Variants in PACC1 observed in about 807,000 individuals in gnomAD.
PACC1 encodes the protein proton-activated chloride channel.
In PACC1, 34 loss-of-function variants were observed where a neutral mutation model predicts 39.7. That is an observed-to-expected ratio of 0.86 (90% CI 0.65 to 1.14). The LOEUF (loss-of-function observed/expected upper bound fraction) is 1.14. Ranked by LOEUF, PACC1 falls within the 50% of genes most tolerant of loss-of-function variation. PACC1 has a pLI of 0.00. For missense variants in PACC1, 379 were observed against 436.4 expected, an observed-to-expected ratio of 0.87 and a Z score of 1.17; for synonymous variants, 127 against 160.6, an observed-to-expected ratio of 0.79 and a Z score of 1.58.
chr1:212,410,213 G>C (rs1662072403), intron 2 of PACC1: 1 of 567,004 alleles, frequency 1.8e-6, no homozygotes, highest in Non-Finnish European at 3.2e-6. Flanking sequence ...CTCAGGAAGT[G>C]GCTCAAATTG....
chr1:212,403,014 A>G (rs1661772358), intron 2 of PACC1, among the ~76,000 whole-genome samples: 1 of 152,158 alleles, frequency 6.6e-6, no homozygotes, highest in Non-Finnish European at 1.5e-5. Context: ...CCCATTATAT[A>G]CAGTTGTTTC....
chr1:212,407,576 A>G (rs761742548), intron 2 of PACC1, among the ~76,000 whole-genome samples: 1 of 152,244 alleles, frequency 6.6e-6, no homozygotes, highest in Non-Finnish European at 1.5e-5. Flanking sequence ...AGGGAGGATT[A>G]GCCGTGCTAC....
intron 4 of PACC1, among the ~76,000 whole-genome samples, chr1:212,381,637 C>T (rs1774245): frequency 6.6e-6 from 1 of 151,732 alleles, no homozygotes; most frequent in Non-Finnish European, 1.5e-5. Context: ...GAAAAGGGAA[C>T]TGCTTGCCCT....
Position 212,387,118 on chromosome 1 carries a change from C to T in PACC1, c.134-18G>A, listed in dbSNP as rs375562491. 2.5e-6 allele frequency: 4 copies of T among 1,612,404 alleles called. No individual in the cohort carries two copies. The highest frequency in any genetic ancestry group is 1.3e-5 in the African/African-American group (1 of 75,010). On this transcript the variant is annotated intron_variant, in intron 2 of 7. Coordinates refer to ENST00000261455, the MANE Select transcript of PACC1 (RefSeq NM_018252.3). ...GTCCAGGCCTGACAACAACAAAACA[C>T]CATGTGACCCAGGGCACAGGGACAA...
At chr1:212,388,279 A>G (rs1230750446) in intron 2 of PACC1, among the ~76,000 whole-genome samples, 1 of 152,108 alleles carries the variant, frequency 6.6e-6, no homozygotes, top group African/African-American at 2.4e-5. Context: ...CTGAATCCTT[A>G]GCCCTTCATG....
chr1:212,368,264 T>C (rs1045413736), intron 7 of PACC1, among the ~76,000 whole-genome samples: 5 of 152,118 alleles, frequency 3.3e-5, no homozygotes, highest in African/African-American at 7.2e-5. Flanking sequence ...CTCCTGAAGA[T>C]AGATGGGTAT....
intron 2 of PACC1, among the ~76,000 whole-genome samples, chr1:212,407,951 A>G (rs916664245): frequency 6.6e-6 from 1 of 151,908 alleles, no homozygotes; most frequent in Admixed American, 6.6e-5. Flanking sequence ...GCACACGCCT[A>G]TAGTCCCAGC....
At chr1:212,366,516 G>A (rs1186261462) in intron 7 of PACC1, among the ~76,000 whole-genome samples, 1 of 151,806 alleles carries the variant, frequency 6.6e-6, no homozygotes, top group Non-Finnish European at 1.5e-5. Context: ...TGGCCAGGAT[G>A]GTCTCGATCT....
At position 212,387,026 on chromosome 1, in the gene PACC1, G is replaced by A. The variant is rs1393482660; in HGVS notation, c.208C>T (p.Leu70Phe). The A allele has an allele frequency of 6.2e-7, 1 of 1,614,232 alleles. No homozygotes were observed. Among genetic ancestry groups the A allele is most frequent in the Non-Finnish European group, 8.5e-7 (1 of 1,180,048 alleles). ...ACLKNVFSVL[L>F]IFIYLLLMAV... Reference sequence around the variant, plus strand: ...ATGAGCAGCAGGTAGATGAAGATGAGTAGGACCGAGAAGACGTTCTTCAGG... The same window carrying A: ...ATGAGCAGCAGGTAGATGAAGATGAATAGGACCGAGAAGACGTTCTTCAGG... Residue 70 changes from leucine (L) to phenylalanine (F), a missense_variant, in exon 3 of 8, where the codon CTC becomes TTC. Leu to Phe is a conservative substitution (Grantham distance 22). Transcript: ENST00000261455.
intron 2 of PACC1, among the ~76,000 whole-genome samples, chr1:212,400,930 A>G (rs530490981): frequency 3.9e-4 from 60 of 152,306 alleles, no homozygotes; most frequent in African/African-American, 1.3e-3. Flanking sequence ...TGGAACCTCT[A>G]TTTAGAGGAA....
intron 2 of PACC1, among the ~76,000 whole-genome samples, chr1:212,408,445 C>G (rs1054345429): frequency 1.3e-5 from 2 of 151,978 alleles, no homozygotes; most frequent in African/African-American, 4.8e-5. Context: ...ACTGTAACCT[C>G]CGCCTCCTGG....
intron 1 of PACC1, among the ~76,000 whole-genome samples, chr1:212,413,642 G>C (rs1571689610): frequency 6.6e-6 from 1 of 152,306 alleles, no homozygotes; most frequent in South Asian, 2.1e-4. Context: ...ACCCTAGGTG[G>C]GTTAGGAGGT....
chr1:212,382,037 T>A (rs1660915903), intron 4 of PACC1, among the ~76,000 whole-genome samples: 1 of 118,674 alleles, frequency 8.4e-6, no homozygotes, highest in Non-Finnish European at 1.7e-5. Context: ...GACACTGGAG[T>A]GTTCTTGTTT....
At position 212,365,555 on chromosome 1, in the gene PACC1, C is replaced by T. The variant is rs376667767; in HGVS notation, c.892-179G>A. ...AAGCAATTCTCCTGCCTCAGCCTCC[C>T]GAGTAGCTGGGATTACAGGAACCTG... On this transcript the variant is annotated intron_variant, in intron 7 of 7. Coordinates refer to ENST00000261455, the MANE Select transcript of PACC1 (RefSeq NM_018252.3). Among the ~76,000 whole-genome samples, 12 of 151,860 alleles carry T rather than the reference C, an allele frequency of 7.9e-5. No individual in the cohort carries two copies. In the South Asian group the frequency reaches 8.4e-4, roughly 11 times the overall value.
chr1:212,366,348 T>C (rs888500828), intron 7 of PACC1, among the ~76,000 whole-genome samples: 1 of 145,134 alleles, frequency 6.9e-6, no homozygotes, highest in Non-Finnish European at 1.5e-5. Context: ...GTCGCCAGGC[T>C]GGAGTGCAGT....
At position 212,410,433 on chromosome 1, in the gene PACC1, A is replaced by T. The variant is rs770634020; in HGVS notation, c.125T>A (p.Ile42Asn). 5.6e-6 allele frequency: 9 copies of T among 1,614,004 alleles called. No homozygotes were observed. In the South Asian group the frequency reaches 9.9e-5, roughly 18 times the overall value. The change falls in exon 2 of 8, where the codon ATC becomes AAC. Residue 42 changes from isoleucine (I) to asparagine (N), a missense_variant. Ile to Asn is a moderately radical substitution (Grantham distance 149). Coordinates refer to ENST00000261455, the MANE Select transcript of PACC1 (RefSeq NM_018252.3). ...GCACCAAACGCACTCACCTGGTAAG[A>T]TACCCGGACCTTGGACTCTGACCGT... is the stretch of plus-strand genomic sequence containing the variant. ...KETVRVQGPG[I>N]LPGLDSESAS... is the part of the protein sequence containing the mutation.
At chr1:212,380,149 C>G in intron 4 of PACC1, 112 bp from the exon 5 acceptor site, 1 of 1,132,804 alleles carries the variant, frequency 8.8e-7, no homozygotes, top group Non-Finnish European at 1.2e-6. Context: ...CCAGTGGTCT[C>G]CAAAGGGACC....
chr1:212,388,203 T>C (rs955823711), intron 2 of PACC1, among the ~76,000 whole-genome samples: 3 of 152,138 alleles, frequency 2.0e-5, no homozygotes, highest in Non-Finnish European at 4.4e-5. Context: ...GTCATGTCTA[T>C]ACATCTTTTA....
chr1:212,382,337 C>T (rs1446017582), intron 4 of PACC1, among the ~76,000 whole-genome samples: 5 of 152,154 alleles, frequency 3.3e-5, no homozygotes, highest in South Asian at 2.1e-4. Context: ...CCACCACGCC[C>T]GGCTGGAGTG....
Sources: allele counts gnomAD v4.1 joint callset (sites outside exome capture counted in the v4.1 genomes callset), GRCh38; gene constraint gnomAD v4.1.1; transcripts MANE v1.5; gene names NCBI Gene and HGNC (gene_info 2026-07-23, HGNC 2026-07-21).